Variants in VAV2 observed in about 807,000 individuals in gnomAD.
VAV2 encodes the protein vav guanine nucleotide exchange factor 2, also known as guanine nucleotide exchange factor VAV2.
A neutral mutation model predicts 132.5 loss-of-function variants in VAV2; 67 were observed. The ratio of observed to expected loss-of-function variants is 0.51; its 90% CI spans 0.42 to 0.62. The LOEUF (loss-of-function observed/expected upper bound fraction) is 0.62, where lower values mean the gene tolerates loss of function less well. Ranked by LOEUF, VAV2 falls within the 20% of genes least tolerant of loss-of-function variation. The pLI is 0.00. For missense variants in VAV2, 938 were observed against 1,153.6 expected (o/e 0.81, Z 2.71); for synonymous variants, 492 against 443.5 (o/e 1.11, Z -1.37).
chr9:133,778,809 C>T lies in VAV2; in HGVS notation c.1843G>A (p.Asp615Asn), dbSNP rs978842166. ...GKPVLTFQTG[D>N]VLELLRGDPE... ...TCGCCCCTCAGCAGCTCAAGCACGT[C>T]GCCCGTCTGGAAGGTCAGCACAGGC... Residue 615 changes from aspartate (D) to asparagine (N), a missense_variant, in exon 22 of 30, where the codon GAC becomes AAC. Transcript: ENST00000371850. The T allele has an allele frequency of 1.3e-5, 21 of 1,612,968 alleles. No homozygotes were observed. The highest frequency in any genetic ancestry group is 3.3e-5 in the South Asian group (3 of 91,080).
chr9:133,949,213 A>G (rs1416805794), intron 1 of VAV2, among the ~76,000 whole-genome samples: 4 of 152,296 alleles, frequency 2.6e-5, no homozygotes, highest in Middle Eastern at 6.8e-3. Flanking sequence ...TCAGACCCAC[A>G]GAGGCAAGTC....
In VAV2 at chr9:133,776,036, T is replaced by G. The variant is rs768966176; in HGVS notation, c.2010A>C (p.Ala670=). ...GCCCACGATCCACTCACCAGGGGTA[T>G]GCAGTGTAGTCGATCTCCCGGGATG... ...RPPSREIDYT[A]YPWFAGNMER... Residue 670 remains alanine, a synonymous_variant, in exon 24 of 30, where the codon GCA becomes GCC. Coordinates refer to ENST00000371850, the MANE Select transcript of VAV2 (RefSeq NM_001134398.2). The G allele has an allele frequency of 1.2e-6, 2 of 1,612,706 alleles. No homozygotes were observed. Among genetic ancestry groups the G allele is most frequent in the Non-Finnish European group, 8.5e-7 (1 of 1,179,530 alleles).
At chr9:133,891,177 G>A (rs906818730) in intron 2 of VAV2, among the ~76,000 whole-genome samples, 6 of 149,274 alleles carry the variant, frequency 4.0e-5, no homozygotes, top group African/African-American at 1.5e-4. Context: ...GGGGCTGCCA[G>A]GGCCCGGCAC....
intron 11 of VAV2, 81 bp downstream of exon 11, chr9:133,796,348 C>A: frequency 8.0e-7 from 1 of 1,255,632 alleles, no homozygotes; most frequent in African/African-American, 1.5e-5. Flanking sequence ...TGGGCTGCAA[C>A]CTATACCCCC....
In VAV2 at chr9:133,779,926, G is replaced by A. The variant is rs548048956; in HGVS notation, c.1754C>T (p.Ala585Val). 39 of 1,612,042 alleles carry A rather than the reference G, an allele frequency of 2.4e-5. No homozygotes were observed. Among genetic ancestry groups the A allele is most frequent in the African/African-American group, 1.6e-4 (12 of 74,996 alleles). ...AGGTCCAGAAGACTCACCTGGTCCC[G>A]CTCCGGAGGCGTCCTGTGAGGACAA... ...TSPADLDASGAGPGPKMVAMQ... is the reference protein window; with the variant it reads ...TSPADLDASGVGPGPKMVAMQ... Residue 585 changes from alanine to valine, a missense_variant, in exon 21 of 30, where the codon GCG becomes GTG. By Grantham distance (64) the Ala-to-Val change is moderately conservative (BLOSUM62 0). Transcript: ENST00000371850.
intron 4 of VAV2, 29 bp from the exon 5 acceptor site, chr9:133,812,245 A>G: frequency 6.2e-7 from 1 of 1,607,772 alleles, no homozygotes; most frequent in Non-Finnish European, 8.5e-7. Context: ...GTTAGAGGGG[A>G]GGGGAGGCTC....
chr9:133,936,758 C>A (rs1840926056), intron 2 of VAV2, among the ~76,000 whole-genome samples: 1 of 152,182 alleles, frequency 6.6e-6, no homozygotes, highest in Non-Finnish European at 1.5e-5. Context: ...GCACCCCACA[C>A]CATGACTCAT....
intron 2 of VAV2, among the ~76,000 whole-genome samples, chr9:133,889,788 C>G (rs921946551): frequency 6.6e-6 from 1 of 152,162 alleles, no homozygotes; most frequent in Non-Finnish European, 1.5e-5. Flanking sequence ...CTCTGTCCCC[C>G]GTTAAACCTA....
rs764265029 is a variant in VAV2, at chr9:133,961,304, C to T, written c.205-22085G>A. 5.3e-5 allele frequency among the ~76,000 whole-genome samples: 8 copies of T among 152,228 alleles called. No homozygotes were observed. The highest frequency in any genetic ancestry group is 2.1e-4 in the South Asian group (1 of 4,836). On this transcript the variant is annotated intron_variant, in intron 1 of 29. Coordinates refer to ENST00000371850, the MANE Select transcript of VAV2 (RefSeq NM_001134398.2). The surrounding 1 kb of genome is among the most constrained non-coding windows in gnomAD (Gnocchi z 4.1). ...AGGGACCCCCGGCCAGGACTCAAGCCGGCCAATGAGGGCTGAAGCTTCGGC... is the reference window on the plus strand; with the variant it reads ...AGGGACCCCCGGCCAGGACTCAAGCTGGCCAATGAGGGCTGAAGCTTCGGC...
chr9:133,895,282 G>C (rs74574266), intron 2 of VAV2, among the ~76,000 whole-genome samples: 4,616 of 152,120 alleles, frequency 0.03, 180 homozygotes, highest in East Asian at 0.1. Flanking sequence ...CAGCTCCTGG[G>C]GGAGGCCTGG....
chr9:133,782,993 A>G (rs948101467), intron 19 of VAV2, among the ~76,000 whole-genome samples: 1 of 152,152 alleles, frequency 6.6e-6, no homozygotes, highest in African/African-American at 2.4e-5. Context: ...CTGAGCCTCA[A>G]GCTTCCCTAA....
intron 1 of VAV2, among the ~76,000 whole-genome samples, chr9:133,985,385 G>T (rs751723761): frequency 6.6e-6 from 1 of 152,092 alleles, no homozygotes; most frequent in Non-Finnish European, 1.5e-5. Context: ...GGGTTCAAGC[G>T]ATTCTCCTAC....
At chr9:133,813,389 G>C (rs778955143) in intron 4 of VAV2, among the ~76,000 whole-genome samples, 1 of 152,256 alleles carries the variant, frequency 6.6e-6, no homozygotes, top group African/African-American at 2.4e-5. Context: ...CAGCCACGCT[G>C]TGTGCCACGG....
chr9:133,979,340 G>C (rs909623705), intron 1 of VAV2, among the ~76,000 whole-genome samples: 6 of 152,178 alleles, frequency 3.9e-5, no homozygotes, highest in Admixed American at 3.9e-4. Context: ...GGATCTGAAC[G>C]CGGCTGTCAG....
chr9:133,868,974 A>G (rs1052502390), intron 2 of VAV2, among the ~76,000 whole-genome samples: 1 of 151,188 alleles, frequency 6.6e-6, no homozygotes, highest in African/African-American at 2.4e-5. Flanking sequence ...CCTCGGCAAT[A>G]TGGTGAGTCC....
chr9:133,962,896 T>A (rs1842010904), intron 1 of VAV2, among the ~76,000 whole-genome samples: 1 of 152,172 alleles, frequency 6.6e-6, no homozygotes, highest in Non-Finnish European at 1.5e-5. Context: ...CTGACCTTCC[T>A]CCCTCCTGAG....
At position 133,884,003 on chromosome 9, in the gene VAV2, C is replaced by T. The variant is rs1018951420; in HGVS notation, c.322-22571G>A. On this transcript the variant is annotated intron_variant, in intron 2 of 29. Coordinates refer to ENST00000371850, the MANE Select transcript of VAV2 (RefSeq NM_001134398.2). This position sits in a 1 kb window ranked among gnomAD's most constrained non-coding sequence, Gnocchi z 5.3. ...CAAAAAAATTAGCTGGGCACGGTGG[C>T]GCACACCTGTAGTCCCAGCTACTTG... is the stretch of plus-strand genomic sequence containing the variant. 6.6e-6 allele frequency among the ~76,000 whole-genome samples: 1 copy of T among 152,012 alleles called. No homozygotes were observed. Among genetic ancestry groups the T allele is most frequent in the Non-Finnish European group, 1.5e-5 (1 of 67,986 alleles).
chr9:133,788,247 AT>A lies in VAV2; in HGVS notation c.1407+106del. ...GCCCACCCCAACCCACCCGGCCAGC[AT>A]CAGCGGCTGACTTCGAGTCCCCTTC... On this transcript the variant is annotated intron_variant, in intron 15 of 29. Coordinates refer to ENST00000371850, the MANE Select transcript of VAV2 (RefSeq NM_001134398.2). This position sits in a 1 kb window ranked among gnomAD's most constrained non-coding sequence, Gnocchi z 5.3. 1.9e-6 allele frequency: 1 copy of A among 534,830 alleles called. No individual in the cohort carries two copies. The highest frequency in any genetic ancestry group is 3.3e-6 in the Non-Finnish European group (1 of 300,276). 33.1% of individuals were successfully genotyped at this position (534,830 alleles called of 1,614,324 possible).
chr9:133,867,284 C>T (rs1837844106), intron 2 of VAV2, among the ~76,000 whole-genome samples: 1 of 152,224 alleles, frequency 6.6e-6, no homozygotes. Context: ...AAGCCCATCT[C>T]GCCAGGTGGT....
Sources: gnomAD v4.1 joint callset for allele counts (sites outside exome capture counted in the v4.1 genomes callset) on GRCh38, gnomAD v4.1.1 for gene constraint, Gnocchi (gnomAD v3.1) non-coding constraint, MANE v1.5 for transcripts, NCBI Gene and HGNC (gene_info 2026-07-23, HGNC 2026-07-21) for gene names.